Variants in PRCC observed in about 807,000 individuals in gnomAD.
PRCC encodes proline rich mitotic checkpoint control factor.
Under a neutral mutation model 44.0 loss-of-function variants are expected in PRCC, and 10 were observed. The ratio of observed to expected loss-of-function variants is 0.23; its 90% CI spans 0.14 to 0.39. PRCC has a LOEUF of 0.39. Ranked by LOEUF, PRCC falls within the 10% of genes least tolerant of loss-of-function variation. The pLI, the probability that PRCC is intolerant of heterozygous loss-of-function variation, is 1.00. For missense variants in PRCC, 573 were observed against 624.7 expected (o/e 0.92, Z 0.88); for synonymous variants, 278 against 259.5 (o/e 1.07, Z -0.69).
chr1:156,769,886 C>A (rs1401912728), intron 1 of PRCC, among the ~76,000 whole-genome samples: 1 of 152,090 alleles, frequency 6.6e-6, no homozygotes. Context: ...AGGCGTGAGC[C>A]GCAGCACCCG....
At chr1:156,775,245 C>T (rs1490115536) in intron 1 of PRCC, among the ~76,000 whole-genome samples, 1 of 151,674 alleles carries the variant, frequency 6.6e-6, no homozygotes, top group Non-Finnish European at 1.5e-5. Flanking sequence ...GAGGCTCCAT[C>T]TCAAAAAAAA....
intron 1 of PRCC, among the ~76,000 whole-genome samples, chr1:156,768,622 A>G (rs1297511965): frequency 6.6e-6 from 1 of 152,196 alleles, no homozygotes; most frequent in East Asian, 1.9e-4. Context: ...GGGCTCCTGA[A>G]CCTTTGCCGA....
intron 1 of PRCC, among the ~76,000 whole-genome samples, chr1:156,778,731 C>T (rs547939990): frequency 2.0e-4 from 31 of 151,528 alleles, no homozygotes; most frequent in African/African-American, 6.8e-4. Context: ...TACAGGCGTG[C>T]GCCACCACAC....
At chr1:156,769,950 C>T (rs1651567529) in intron 1 of PRCC, among the ~76,000 whole-genome samples, 1 of 151,946 alleles carries the variant, frequency 6.6e-6, no homozygotes, top group Non-Finnish European at 1.5e-5. Flanking sequence ...AGTCTCTCAT[C>T]CTAAGTCTAG....
chr1:156,767,660 A>G lies in PRCC; in HGVS notation c.-112A>G, dbSNP rs1558042519. On this transcript the variant is annotated 5_prime_UTR_variant, in exon 1 of 7. Transcript: ENST00000271526. ...TAGCCCTAGAGTACGGAGCAGGCGG[A>G]CTTTTCGGTTCCCCGCCCCGCCAGG... is the stretch of plus-strand genomic sequence containing the variant. 4 of 1,093,382 alleles carry G rather than the reference A, an allele frequency of 3.7e-6. No homozygotes were observed. The East Asian group carries it at 7.8e-5, about 21-fold the overall frequency. The allele number at this position is 1,093,382 out of a possible 1,614,324, so 67.7% of individuals were successfully genotyped here.
chr1:156,784,438 A>C, intron 2 of PRCC, among the ~76,000 whole-genome samples: 1 of 152,172 alleles, frequency 6.6e-6, no homozygotes, highest in Non-Finnish European at 1.5e-5. Flanking sequence ...GAGTAGATAG[A>C]GGAATTCTGA....
At chr1:156,798,043 A>G (rs1652720053) in intron 6 of PRCC, among the ~76,000 whole-genome samples, 1 of 151,284 alleles carries the variant, frequency 6.6e-6, no homozygotes, top group East Asian at 2.0e-4. Flanking sequence ...TCCTGGGCTC[A>G]AATGATCCTC....
intron 3 of PRCC, among the ~76,000 whole-genome samples, chr1:156,788,307 A>G (rs1209697500): frequency 1.3e-5 from 2 of 152,174 alleles, no homozygotes; most frequent in Non-Finnish European, 2.9e-5. Flanking sequence ...AGCTCCATCC[A>G]TGCTGCTGCA....
chr1:156,785,665 G>A (rs1652216196), intron 2 of PRCC, among the ~76,000 whole-genome samples: 1 of 152,034 alleles, frequency 6.6e-6, no homozygotes, highest in South Asian at 2.1e-4. Flanking sequence ...AATTTAAAGG[G>A]TTGGAAAAAG....
At chr1:156,769,221 C>A (rs1378711399) in intron 1 of PRCC, among the ~76,000 whole-genome samples, 4 of 152,354 alleles carry the variant, frequency 2.6e-5, no homozygotes, top group Middle Eastern at 3.4e-3. Context: ...TTTCTTCTCT[C>A]AGATATCCTA....
At chr1:156,775,302 G>A (rs545769686) in intron 1 of PRCC, among the ~76,000 whole-genome samples, 340 of 151,764 alleles carry the variant, frequency 2.2e-3, no homozygotes, top group Non-Finnish European at 2.4e-3. Context: ...TATCTGGGCT[G>A]GCCTCAGACC....
At position 156,767,905 on chromosome 1, in the gene PRCC, C is replaced by G; in HGVS notation, c.134C>G (p.Pro45Arg). The G allele has an allele frequency of 1.2e-6, 2 of 1,602,628 alleles. No individual in the cohort carries two copies. The highest frequency in any genetic ancestry group is 1.7e-6 in the Non-Finnish European group (2 of 1,175,358). ...LGGLFASLPA[P>R]KGPALLPPPP... ...GGCTTGTTCGCTTCTCTCCCTGCGC[C>G]CAAGGGTCCGGCCTTGCTGCCTCCG... Residue 45 changes from proline (P) to arginine (R), a missense_variant, in exon 1 of 7, where the codon CCC becomes CGC. Physicochemically the swap from Pro to Arg is moderately radical, Grantham distance 103. Transcript: ENST00000271526.
At chr1:156,798,203 C>T (rs1325015878) in intron 6 of PRCC, among the ~76,000 whole-genome samples, 1 of 152,186 alleles carries the variant, frequency 6.6e-6, no homozygotes, top group Non-Finnish European at 1.5e-5. Flanking sequence ...TACTAATTGC[C>T]TACTGTTGAC....
Position 156,768,213 on chromosome 1 carries a change from G to A in PRCC, c.442G>A (p.Ala148Thr), listed in dbSNP as rs1382974997. The A allele has an allele frequency of 1.3e-6, 2 of 1,534,724 alleles. No homozygotes were observed. Among genetic ancestry groups the A allele is most frequent in the Middle Eastern group, 1.7e-4 (1 of 5,974 alleles). Residue 148 changes from alanine (A) to threonine (T), a missense_variant, in exon 1 of 7, where the codon GCG becomes ACG. Ala to Thr is a moderately conservative substitution (Grantham distance 58). Coordinates refer to ENST00000271526, the MANE Select transcript of PRCC (RefSeq NM_005973.5). Reference sequence around the variant, plus strand: ...GAAGAGGAAAGAGCCCGTGAAGATCGCGGCGCCGGAGTTGCATAAGGGAGA... The same window carrying A: ...GAAGAGGAAAGAGCCCGTGAAGATCACGGCGCCGGAGTTGCATAAGGGAGA... ...PKKRKEPVKI[A>T]APELHKGDSD...
At chr1:156,772,840 G>A (rs947818769) in intron 1 of PRCC, among the ~76,000 whole-genome samples, 1 of 152,212 alleles carries the variant, frequency 6.6e-6, no homozygotes, top group African/African-American at 2.4e-5. Context: ...TCTGAACTGT[G>A]CTGGGCACTT....
intron 2 of PRCC, among the ~76,000 whole-genome samples, chr1:156,783,767 AAAAAT>A (rs994189429): frequency 1.7e-4 from 26 of 151,944 alleles, no homozygotes; most frequent in African/African-American, 2.7e-4. Flanking sequence ...AAAAATACAT[AAAAAT>A]AAAATAAAAT....
Position 156,777,356 on chromosome 1 carries a change from T to C in PRCC, c.469-4926T>C, listed in dbSNP as rs1374328005. ...GAGCCTTACTTTCTTCACCATAAAGTTGAGATAATAATAATGCCTACTTTG... is the reference window on the plus strand; with the variant it reads ...GAGCCTTACTTTCTTCACCATAAAGCTGAGATAATAATAATGCCTACTTTG... On this transcript the variant is annotated intron_variant, in intron 1 of 6. Transcript: ENST00000271526. Among the ~76,000 whole-genome samples, 3 of 152,142 alleles carry C rather than the reference T, an allele frequency of 2.0e-5. No individual in the cohort carries two copies. In the East Asian group the frequency reaches 5.8e-4, roughly 29 times the overall value.
At chr1:156,793,937 T>A (rs1652573457) in intron 4 of PRCC, among the ~76,000 whole-genome samples, 1 of 142,728 alleles carries the variant, frequency 7.0e-6, no homozygotes, top group East Asian at 2.1e-4. Context: ...TGCTCTATAT[T>A]CTTTTTTTCT....
At chr1:156,779,128 A>ATATTT (rs1651947127) in intron 1 of PRCC, among the ~76,000 whole-genome samples, 4 of 35,882 alleles carry the variant, frequency 1.1e-4, no homozygotes, top group African/African-American at 2.5e-4. Flanking sequence ...ATATATATAT[A>ATATTT]TTTTTTTTTT....
Sources: allele counts gnomAD v4.1 joint callset (sites outside exome capture counted in the v4.1 genomes callset), GRCh38; gene constraint gnomAD v4.1.1; transcripts MANE v1.5; gene names NCBI Gene and HGNC (gene_info 2026-07-23, HGNC 2026-07-21).